Variants in B4GALT6 observed in about 807,000 individuals in gnomAD.
B4GALT6 encodes the protein UDP-Gal:beta-GlcNAc beta-1,4-galactosyltransferase 6.
B4GALT6 carries 14 observed loss-of-function variants against 46.3 expected under a neutral mutation model. The observed-to-expected ratio is 0.30, with a 90% confidence interval of 0.20 to 0.47. The LOEUF (loss-of-function observed/expected upper bound fraction) is 0.47. Among genes scored for constraint, B4GALT6 ranks in the 20% least tolerant of loss-of-function variants. The pLI, the probability that B4GALT6 is intolerant of heterozygous loss-of-function variation, is 0.99. For missense variants in B4GALT6, 386 were observed against 480.1 expected (o/e 0.80, Z 1.83); for synonymous variants, 168 against 162.0 (o/e 1.04, Z -0.28).
chr18:31,688,905 G>A (rs954034499), upstream of B4GALT6, among the ~76,000 whole-genome samples: 3 of 152,138 alleles, frequency 2.0e-5, no homozygotes, highest in Non-Finnish European at 2.9e-5. Flanking sequence ...GCCTATCAGG[G>A]TAAGTGTTTT....
At chr18:31,650,649 A>G (rs999703437) in intron 3 of B4GALT6, among the ~76,000 whole-genome samples, 3 of 152,188 alleles carry the variant, frequency 2.0e-5, no homozygotes, top group Admixed American at 6.5e-5. Context: ...GCTCTCTAAT[A>G]TATTTTCATG....
At chr18:31,698,936 G>A in the B4GALT6 span, among the ~76,000 whole-genome samples, 25 of 152,138 alleles carry the variant, frequency 1.6e-4, no homozygotes, top group South Asian at 5.2e-3. Flanking sequence ...CAGGTGTGGT[G>A]CACGCCTGTG....
At chr18:31,722,875 A>G in the B4GALT6 span, among the ~76,000 whole-genome samples, 2 of 152,210 alleles carry the variant, frequency 1.3e-5, no homozygotes, top group African/African-American at 4.8e-5. Context: ...TTATTACTCA[A>G]TTTGGGTCAA....
chr18:31,643,155 A>C (rs2073951119), intron 4 of B4GALT6, among the ~76,000 whole-genome samples: 1 of 152,206 alleles, frequency 6.6e-6, no homozygotes, highest in Admixed American at 6.5e-5. Flanking sequence ...TGATAGTTAT[A>C]TAATATTTAT....
chr18:31,715,793 C>T, the B4GALT6 span, among the ~76,000 whole-genome samples: 1 of 151,848 alleles, frequency 6.6e-6, no homozygotes, highest in African/African-American at 2.4e-5. Context: ...AGGTGGTCTG[C>T]CCACCTCAGC....
At chr18:31,674,751 G>C (rs1279843615) in intron 1 of B4GALT6, among the ~76,000 whole-genome samples, 2 of 151,942 alleles carry the variant, frequency 1.3e-5, no homozygotes, top group Non-Finnish European at 2.9e-5. Context: ...AGTTAGGCCA[G>C]ATTATATATG....
chr18:31,668,796 T>C (rs2074313207), intron 1 of B4GALT6, among the ~76,000 whole-genome samples: 1 of 151,636 alleles, frequency 6.6e-6, no homozygotes, highest in Non-Finnish European at 1.5e-5. Flanking sequence ...GGTCAGGAGT[T>C]TGAGACCAGC....
rs2073677761 is a variant in B4GALT6 at position 31,625,365 on chromosome 18, CTT to C, written c.*247_*248del. 2.5e-6 allele frequency: 1 copy of C among 400,016 alleles called. No individual in the cohort carries two copies. The highest frequency in any genetic ancestry group is 2.1e-5 in the African/African-American group (1 of 48,120). The allele number at this position is 400,016 out of a possible 1,614,324, so 24.8% of individuals were successfully genotyped here. On this transcript the variant is annotated 3_prime_UTR_variant, in exon 9 of 9. Coordinates refer to ENST00000306851, the MANE Select transcript of B4GALT6 (RefSeq NM_004775.5). The stretch of plus-strand genomic sequence containing the variant: ...AAATTTTCTCTTCGGAGGGAGCTCT[CTT>C]AACTTCCGATCTTAAGTAGTGGCTT...
At chr18:31,686,011 C>G (rs1388781205), upstream of B4GALT6, 1 of 152,288 alleles carries the variant, frequency 6.6e-6, no homozygotes, top group Non-Finnish European at 1.5e-5. Context: ...GCCTCAGCCC[C>G]ATCTTGCTTC....
chr18:31,715,907 T>C, the B4GALT6 span, among the ~76,000 whole-genome samples: 2 of 152,102 alleles, frequency 1.3e-5, no homozygotes, highest in South Asian at 2.1e-4. Flanking sequence ...AAGCTACTCA[T>C]GACTATTACC....
At chr18:31,699,276 T>C in the B4GALT6 span, among the ~76,000 whole-genome samples, 2 of 69,512 alleles carry the variant, frequency 2.9e-5, no homozygotes, top group Non-Finnish European at 8.8e-5. Context: ...CTTTCTTTCT[T>C]TTTTTTTTTT....
At chr18:31,695,971 A>C in the B4GALT6 span, among the ~76,000 whole-genome samples, 1 of 152,262 alleles carries the variant, frequency 6.6e-6, no homozygotes, top group African/African-American at 2.4e-5. Flanking sequence ...TGAAAGGTAG[A>C]TAGCCAAATG....
At chr18:31,699,416 G>A in the B4GALT6 span, among the ~76,000 whole-genome samples, 1 of 151,790 alleles carries the variant, frequency 6.6e-6, no homozygotes, top group African/African-American at 2.4e-5. Context: ...GGGATTACAG[G>A]TGCACGCCAC....
At chr18:31,709,648 G>A in the B4GALT6 span, among the ~76,000 whole-genome samples, 1 of 149,164 alleles carries the variant, frequency 6.7e-6, no homozygotes, top group Non-Finnish European at 1.5e-5. Flanking sequence ...TTGCATGAAG[G>A]TCTTAATACT....
intron 3 of B4GALT6, among the ~76,000 whole-genome samples, chr18:31,652,103 C>T (rs1194872355): frequency 1.3e-5 from 2 of 152,086 alleles, no homozygotes; most frequent in East Asian, 1.9e-4. Flanking sequence ...ATGATGCCTA[C>T]AACATGCTCA....
intron 2 of B4GALT6, among the ~76,000 whole-genome samples, chr18:31,664,911 A>T (rs1406062255): frequency 6.6e-6 from 1 of 152,252 alleles, no homozygotes; most frequent in Non-Finnish European, 1.5e-5. Flanking sequence ...TTCTAAAAAA[A>T]TTCCTTCAAG....
chr18:31,657,217 A>AT (rs1222373267), intron 3 of B4GALT6, among the ~76,000 whole-genome samples: 7 of 151,810 alleles, frequency 4.6e-5, no homozygotes, highest in Middle Eastern at 3.4e-3. Context: ...ATATATATAT[A>AT]TATTTTTTTT....
intron 3 of B4GALT6, among the ~76,000 whole-genome samples, chr18:31,646,643 G>A (rs1339251179): frequency 1.3e-5 from 2 of 152,056 alleles, no homozygotes; most frequent in Non-Finnish European, 1.5e-5. Context: ...TTCCCATTTC[G>A]AGTCTTCTGA....
intron 1 of B4GALT6, among the ~76,000 whole-genome samples, chr18:31,684,044 GC>G (rs2074512142): frequency 6.6e-6 from 1 of 152,162 alleles, no homozygotes; most frequent in Non-Finnish European, 1.5e-5. Context: ...GGCATCCCGG[GC>G]CATCACACTA....
Sources: gnomAD v4.1 joint callset for allele counts (sites outside exome capture counted in the v4.1 genomes callset) on GRCh38, gnomAD v4.1.1 for gene constraint, MANE v1.5 for transcripts, NCBI Gene and HGNC (gene_info 2026-07-23, HGNC 2026-07-21) for gene names.